Variants in NALF1 observed in about 807,000 individuals in gnomAD.
The protein encoded by NALF1 is family with sequence similarity 155 member A.
A neutral mutation model predicts 48.4 loss-of-function variants in NALF1; 3 were observed. That is an observed-to-expected ratio of 0.06 (90% CI 0.03 to 0.16). The LOEUF (loss-of-function observed/expected upper bound fraction) is 0.16. Ranked by LOEUF, NALF1 falls within the 10% of genes least tolerant of loss-of-function variation. NALF1 has a pLI of 1.00. For missense variants in NALF1, 526 were observed against 571.5 expected (o/e 0.92, Z 0.81); for synonymous variants, 262 against 245.7 (o/e 1.07, Z -0.62).
At chr13:107,548,350 A>G (rs2491591) in intron 1 of NALF1, among the ~76,000 whole-genome samples, 151,355 of 152,204 alleles carry the variant, frequency 0.99, 75,257 homozygotes, top group East Asian at 1. Flanking sequence ...TATGCACCAC[A>G]TTTTCTTTAT....
intron 1 of NALF1, among the ~76,000 whole-genome samples, chr13:107,687,077 A>G (rs1881449724): frequency 6.6e-6 from 1 of 152,254 alleles, no homozygotes; most frequent in Non-Finnish European, 1.5e-5. Flanking sequence ...ATGATTGGAT[A>G]AAGAAAATAT....
At chr13:107,525,630 T>C (rs1409802125) in intron 1 of NALF1, among the ~76,000 whole-genome samples, 1 of 152,080 alleles carries the variant, frequency 6.6e-6, no homozygotes, top group Admixed American at 6.6e-5. Context: ...GGTAAATACT[T>C]GAGTGGGATT....
intron 1 of NALF1, among the ~76,000 whole-genome samples, chr13:107,285,555 G>A (rs969844487): frequency 2.0e-5 from 3 of 152,098 alleles, no homozygotes; most frequent in Non-Finnish European, 4.4e-5. Context: ...CAAGTCAAAT[G>A]GAACTGAAAT....
chr13:107,596,737 T>C (rs1171007482), intron 1 of NALF1, among the ~76,000 whole-genome samples: 1 of 152,154 alleles, frequency 6.6e-6, no homozygotes. Context: ...GATGGGTTGA[T>C]GGGTGCAGCA....
chr13:107,479,491 T>A (rs769676411), intron 1 of NALF1, among the ~76,000 whole-genome samples: 13 of 152,208 alleles, frequency 8.5e-5, no homozygotes, highest in Non-Finnish European at 1.8e-4. Context: ...ACAACTTTTT[T>A]AATATATAAC....
chr13:107,199,175 T>C (rs1223053229), intron 2 of NALF1, among the ~76,000 whole-genome samples: 2 of 152,010 alleles, frequency 1.3e-5, no homozygotes, highest in African/African-American at 2.4e-5. Context: ...GATGTCATTA[T>C]TGGACACAGA....
chr13:107,296,897 A>G (rs1281415258), intron 1 of NALF1, among the ~76,000 whole-genome samples: 1 of 152,198 alleles, frequency 6.6e-6, no homozygotes, highest in Non-Finnish European at 1.5e-5. Context: ...AATCAACTAC[A>G]CAGTTACTGG....
At chr13:107,846,266 A>G (rs1880169543) in intron 1 of NALF1, among the ~76,000 whole-genome samples, 1 of 152,150 alleles carries the variant, frequency 6.6e-6, no homozygotes. Flanking sequence ...GAAACCCACC[A>G]TGTTCTAGAT....
intron 1 of NALF1, among the ~76,000 whole-genome samples, chr13:107,703,334 C>A (rs2138513054): frequency 6.6e-6 from 1 of 150,820 alleles, no homozygotes; most frequent in East Asian, 1.9e-4. Flanking sequence ...TTAGATTTGA[C>A]AAATGCCTTG....
At chr13:107,705,378 T>A (rs2138514638) in intron 1 of NALF1, among the ~76,000 whole-genome samples, 1 of 152,282 alleles carries the variant, frequency 6.6e-6, no homozygotes, top group African/African-American at 2.4e-5. Flanking sequence ...TTTACTGCAG[T>A]TAGAACCAGC....
intron 1 of NALF1, among the ~76,000 whole-genome samples, chr13:107,644,411 A>C (rs2138461476): frequency 6.6e-6 from 1 of 151,258 alleles, no homozygotes; most frequent in East Asian, 2.0e-4. Context: ...ACAGACACGG[A>C]AACTCAGGTT....
intron 1 of NALF1, among the ~76,000 whole-genome samples, chr13:107,218,870 C>G (rs184303698): frequency 7.7e-4 from 117 of 152,310 alleles, no homozygotes; most frequent in Non-Finnish European, 1.5e-3. Flanking sequence ...GGACACACTA[C>G]TTTGGCTGGG....
At position 107,362,402 on chromosome 13, in the gene NALF1, TA is replaced by T. The variant is rs1282692898; in HGVS notation, c.916-151648del. Among the ~76,000 whole-genome samples, 6 of 152,180 alleles carry T rather than the reference TA, an allele frequency of 3.9e-5. No homozygotes were observed. The highest frequency in any genetic ancestry group is 7.3e-5 in the Non-Finnish European group (5 of 68,036). On this transcript the variant is annotated intron_variant, in intron 1 of 2. Transcript: ENST00000375915. This position sits in a 1 kb window ranked among gnomAD's most constrained non-coding sequence, Gnocchi z 4.6. ...AGGACCATGCTTCCTCTGAAACCTG[TA>T]GAGTAGCATCTTCGCTTGCCTCCTC...
chr13:107,470,800 T>C (rs915174368), intron 1 of NALF1, among the ~76,000 whole-genome samples: 5 of 152,126 alleles, frequency 3.3e-5, no homozygotes, highest in African/African-American at 1.2e-4. Context: ...ATTATTATAA[T>C]ATAATACACA....
At chr13:107,197,558 T>C (rs979086772) in intron 2 of NALF1, among the ~76,000 whole-genome samples, 1 of 152,212 alleles carries the variant, frequency 6.6e-6, no homozygotes, top group East Asian at 1.9e-4. Context: ...TGCTTCTTCA[T>C]GTGTGGCTGA....
chr13:107,275,103 C>T (rs753333222), intron 1 of NALF1, among the ~76,000 whole-genome samples: 1 of 152,120 alleles, frequency 6.6e-6, no homozygotes, highest in African/African-American at 2.4e-5. Flanking sequence ...GACATGCATA[C>T]GGTTACAAAA....
chr13:107,633,706 CATAT>C (rs68017852), intron 1 of NALF1, among the ~76,000 whole-genome samples: 3 of 77,596 alleles, frequency 3.9e-5, no homozygotes, highest in Non-Finnish European at 9.8e-5. Flanking sequence ...TTTTATTTTT[CATAT>C]ATATGTGTGT....
chr13:107,731,079 GTTAGAGCA>G (rs1464137652), intron 1 of NALF1, among the ~76,000 whole-genome samples: 1 of 152,116 alleles, frequency 6.6e-6, no homozygotes, highest in Non-Finnish European at 1.5e-5. Context: ...AACGAGGAAT[GTTAGAGCA>G]TTAGAGCATT....
At chr13:107,743,201 A>C (rs2138546008) in intron 1 of NALF1, among the ~76,000 whole-genome samples, 1 of 152,324 alleles carries the variant, frequency 6.6e-6, no homozygotes, top group South Asian at 2.1e-4. Context: ...TTGAGTCTCA[A>C]GTTTTCAGAG....
Sources: gnomAD v4.1 joint callset for allele counts (sites outside exome capture counted in the v4.1 genomes callset) on GRCh38, gnomAD v4.1.1 for gene constraint, Gnocchi (gnomAD v3.1) non-coding constraint, MANE v1.5 for transcripts, NCBI Gene and HGNC (gene_info 2026-07-23, HGNC 2026-07-21) for gene names.